ABCF1: variants seen among roughly 807,000 people sequenced by gnomAD.
The protein encoded by ABCF1 is ATP binding cassette subfamily F member 1, also known as ATP-binding cassette sub-family F member 1.
A neutral mutation model predicts 126.3 loss-of-function variants in ABCF1; 73 were observed. That is an observed-to-expected ratio of 0.58 (90% CI 0.48 to 0.70). The LOEUF (loss-of-function observed/expected upper bound fraction) is 0.70, where lower values mean the gene tolerates loss of function less well. Among genes scored for constraint, ABCF1 ranks in the 30% least tolerant of loss-of-function variants. ABCF1 has a pLI of 0.00. For synonymous variants in ABCF1, 345 were observed against 396.4 expected (o/e 0.87, Z 1.54); for missense variants, 786 against 1,057.5 (o/e 0.74, Z 3.56).
At position 30,585,299 on chromosome 6, in the gene ABCF1, G is replaced by A. The variant is rs769378951; in HGVS notation, c.1431G>A (p.Glu477=). 4.3e-6 allele frequency: 7 copies of A among 1,613,580 alleles called. No homozygotes were observed. The Admixed American group carries it at 1.0e-4, about 23-fold the overall frequency. Reference sequence around the variant, plus strand: ...AGCCCACACTGCTGATGCTGGATGAGCCCACCAACCACCTGGACCTCAACG... The same window carrying A: ...AGCCCACACTGCTGATGCTGGATGAACCCACCAACCACCTGGACCTCAACG... ...FMEPTLLMLD[E]PTNHLDLNAV... Residue 477 remains glutamate (E), a synonymous_variant, in exon 15 of 25, where the codon GAG becomes GAA. Coordinates refer to ENST00000326195, the MANE Select transcript of ABCF1 (RefSeq NM_001025091.2).
In ABCF1 at chr6:30,586,265, A is replaced by T; in HGVS notation, c.1845A>T (p.Pro615=). 1 of 1,612,540 alleles carries T rather than the reference A, an allele frequency of 6.2e-7. No homozygotes were observed. Among genetic ancestry groups the T allele is most frequent in the Non-Finnish European group, 8.5e-7 (1 of 1,179,190 alleles). Residue 615 remains proline (P), a synonymous_variant, in exon 18 of 25, where the codon CCA becomes CCT. Coordinates refer to ENST00000326195, the MANE Select transcript of ABCF1 (RefSeq NM_001025091.2). This position sits in a 1 kb window ranked among gnomAD's most constrained non-coding sequence, Gnocchi z 4.9. ...AGTACACTGTGCGCTTCACTTTTCCAGACCCCCCACCACTCAGCCCTCCAG... is the reference window on the plus strand; with the variant it reads ...AGTACACTGTGCGCTTCACTTTTCCTGACCCCCCACCACTCAGCCCTCCAG... ...PKEYTVRFTF[P]DPPPLSPPVL...
intron 9 of ABCF1, 73 bp downstream of exon 9, chr6:30,582,580 G>A (rs946759814): frequency 6.6e-7 from 1 of 1,507,936 alleles, no homozygotes; most frequent in African/African-American, 1.4e-5. Flanking sequence ...TGCGATTGGG[G>A]ACACGAAGGA....
intron 7 of ABCF1, 68 bp downstream of exon 7, chr6:30,580,073 G>A (rs1412153301): frequency 1.2e-5 from 18 of 1,524,510 alleles, no homozygotes; most frequent in Admixed American, 3.6e-5. Context: ...AGGGCTGGGC[G>A]CGGTGGCTCA....
In ABCF1 at chr6:30,590,373, A is replaced by G. The variant is rs1802381684; in HGVS notation, c.2366A>G (p.Lys789Arg). The change falls in exon 24 of 25, where the codon AAG becomes AGG. Residue 789 changes from lysine (K) to arginine (R), a missense_variant. By Grantham distance (26) the Lys-to-Arg change is conservative (BLOSUM62 2). Coordinates refer to ENST00000326195, the MANE Select transcript of ABCF1 (RefSeq NM_001025091.2). ...CTAGGGGAGGCCATCAATGAATACA[A>G]GGGTGGTAAGTCAGCTGAGAGTGTG... ...DALGEAINEY[K>R]GAVIVVSHDA... 4.4e-6 allele frequency: 7 copies of G among 1,608,506 alleles called. No homozygotes were observed. Among genetic ancestry groups the G allele is most frequent in the Non-Finnish European group, 5.1e-6 (6 of 1,177,424 alleles).
chr6:30,581,372 C>CT (rs1365267915), intron 8 of ABCF1, among the ~76,000 whole-genome samples: 1 of 145,376 alleles, frequency 6.9e-6, no homozygotes, highest in Non-Finnish European at 1.5e-5. Flanking sequence ...CTGGATTCCT[C>CT]TGACTGTGCA....
intron 8 of ABCF1, among the ~76,000 whole-genome samples, chr6:30,581,049 A>G (rs1411976358): frequency 2.6e-5 from 4 of 151,794 alleles, no homozygotes; most frequent in Non-Finnish European, 4.4e-5. Flanking sequence ...TCTATCACAT[A>G]TTCTTTTTTT....
Position 30,585,335 on chromosome 6 carries a change from G to A in ABCF1, c.1467G>A (p.Trp489Ter), listed in dbSNP as rs1237153731. 6.2e-7 allele frequency: 1 copy of A among 1,613,454 alleles called. No homozygotes were observed. The highest frequency in any genetic ancestry group is 1.1e-5 in the South Asian group (1 of 91,072). Residue 489 changes from tryptophan to a stop codon, truncating the protein, a stop_gained, in exon 15 of 25, where the codon TGG becomes TGA. Coordinates refer to ENST00000326195, the MANE Select transcript of ABCF1 (RefSeq NM_001025091.2). LOFTEE classifies it high-confidence loss of function. ...TNHLDLNAVI[W>*]LNNYLQGWRK... is the part of the protein sequence containing the mutation. ...ACCTGGACCTCAACGCTGTCATCTG[G>A]CTTAATAAGTGCGTTACGGCCTTTG... is the stretch of plus-strand genomic sequence containing the variant.
chr6:30,582,434 A>G lies in ABCF1; in HGVS notation c.719A>G (p.Glu240Gly). The change falls in exon 9 of 25, where the codon GAA becomes GGA. Residue 240 changes from glutamate (E) to glycine (G), a missense_variant. Glu to Gly is a moderately conservative substitution (Grantham distance 98). This residue lies in a region of ABCF1 where 322 missense variants were observed against 322.9 expected (regional missense o/e 1.00). Transcript: ENST00000326195. ...GGAGAAGGGGAAGAAGAGGAGGAGGAAGGAGGAGAGTCTAAGGCAGATGAT... is the reference window on the plus strand; with the variant it reads ...GGAGAAGGGGAAGAAGAGGAGGAGGGAGGAGGAGAGTCTAAGGCAGATGAT... ...EEGEGEEEEE[E>G]GGESKADDPY... 1 of 1,612,486 alleles carries G rather than the reference A, an allele frequency of 6.2e-7. No homozygotes were observed. Among genetic ancestry groups the G allele is most frequent in the South Asian group, 1.1e-5 (1 of 91,058 alleles).
At chr6:30,573,809 G>A (rs764793991) in intron 1 of ABCF1, among the ~76,000 whole-genome samples, 5 of 152,328 alleles carry the variant, frequency 3.3e-5, no homozygotes, top group Non-Finnish European at 7.4e-5. Flanking sequence ...GTGTTCATTC[G>A]GAGATGATAC....
chr6:30,575,138 T>G (rs1801433675), intron 1 of ABCF1, among the ~76,000 whole-genome samples: 1 of 151,008 alleles, frequency 6.6e-6, no homozygotes, highest in South Asian at 2.1e-4. Context: ...GGCGCGATCT[T>G]GGCTCACTGC....
Position 30,583,467 on chromosome 6 carries a change from G to T in ABCF1, c.916-141G>T. Reference sequence around the variant, plus strand: ...AGCGAACAGGGCGGGGACCGGCTGTGGGGAGAGGAAGGGGATTATGCTGGA... The same window carrying T: ...AGCGAACAGGGCGGGGACCGGCTGTTGGGAGAGGAAGGGGATTATGCTGGA... On this transcript the variant is annotated intron_variant, in intron 10 of 24. Coordinates refer to ENST00000326195, the MANE Select transcript of ABCF1 (RefSeq NM_001025091.2). This position sits in a 1 kb window ranked among gnomAD's most constrained non-coding sequence, Gnocchi z 4.1. 3 of 962,950 alleles carry T rather than the reference G, an allele frequency of 3.1e-6. No homozygotes were observed. The highest frequency in any genetic ancestry group is 1.6e-5 in the African/African-American group (1 of 61,820). The allele number at this position is 962,950 out of a possible 1,614,324, so 59.7% of individuals were successfully genotyped here.
In ABCF1 at chr6:30,586,556, G is replaced by C. The variant is rs775226964; in HGVS notation, c.1960+8G>C. 1.2e-5 allele frequency: 19 copies of C among 1,613,330 alleles called. No individual in the cohort carries two copies. In the Middle Eastern group the frequency reaches 9.9e-4, roughly 84 times the overall value. ...TCGACATGGATTCAAGGAGTGAGTT[G>C]GCGGGGTTGCCTCAGGGATGTGTAG... On this transcript the variant is annotated splice_region_variant and intron_variant, in intron 19 of 24. Transcript: ENST00000326195. This position sits in a 1 kb window ranked among gnomAD's most constrained non-coding sequence, Gnocchi z 4.9.
chr6:30,590,426 G>A, intron 24 of ABCF1, 48 bp downstream of exon 24: 1 of 1,580,794 alleles, frequency 6.3e-7, no homozygotes. Context: ...TGGGGACCAA[G>A]CTGTAGTGTC....
intron 20 of ABCF1, among the ~76,000 whole-genome samples, chr6:30,588,323 A>G (rs1802260989): frequency 6.6e-6 from 1 of 152,232 alleles, no homozygotes; most frequent in African/African-American, 2.4e-5. Context: ...TTTTCCAAAT[A>G]TATCAAGCAT....
intron 6 of ABCF1, among the ~76,000 whole-genome samples, chr6:30,579,144 A>G (rs1042369674): frequency 2.6e-5 from 4 of 152,068 alleles, no homozygotes; most frequent in Admixed American, 6.6e-5. Flanking sequence ...ATCTTAGTCC[A>G]TGTCCATTTG....
chr6:30,581,072 CTT>C (rs1281016774), intron 8 of ABCF1, among the ~76,000 whole-genome samples: 1 of 151,526 alleles, frequency 6.6e-6, no homozygotes, highest in Non-Finnish European at 1.5e-5. Context: ...TTTAACAACT[CTT>C]TGAAAATACA....
intron 1 of ABCF1, among the ~76,000 whole-genome samples, chr6:30,576,492 T>A (rs933493580): frequency 3.3e-5 from 5 of 151,950 alleles, no homozygotes; most frequent in Non-Finnish European, 2.9e-5. Flanking sequence ...TTTCACCATG[T>A]TCACCAGACT....
At chr6:30,580,286 G>T (rs1291535884) in intron 7 of ABCF1, 120 bp from the exon 8 acceptor site, 1 of 782,720 alleles carries the variant, frequency 1.3e-6, no homozygotes, top group Non-Finnish European at 2.0e-6. Context: ...GGTGGAGCTT[G>T]CAGTGAGCCG....
chr6:30,590,611 T>G lies in ABCF1; in HGVS notation c.2448T>G (p.Ser816Arg), dbSNP rs772793321. 3 of 1,612,802 alleles carry G rather than the reference T, an allele frequency of 1.9e-6. No homozygotes were observed. The highest frequency in any genetic ancestry group is 8.5e-7 in the Non-Finnish European group (1 of 1,179,960). The part of the protein sequence containing the change: ...NCQLWVVEEQ[S>R]VSQIDGDFED... ...AGCTGTGGGTGGTGGAGGAGCAGAG[T>G]GTTAGCCAAATCGATGGTGACTTTG... Residue 816 changes from serine to arginine, a missense_variant, in exon 25 of 25, where the codon AGT becomes AGG. By Grantham distance (110) the Ser-to-Arg change is moderately radical (BLOSUM62 -1). Around this residue, in one of 4 missense-constraint regions of ABCF1, gnomAD observed 288 missense variants for 423.5 expected, o/e 0.68. Transcript: ENST00000326195.
Sources: allele counts gnomAD v4.1 joint callset (sites outside exome capture counted in the v4.1 genomes callset), GRCh38; gene constraint gnomAD v4.1.1; regional missense constraint gnomAD v4.1.1; non-coding constraint Gnocchi (gnomAD v3.1); transcripts MANE v1.5; gene names NCBI Gene and HGNC (gene_info 2026-07-23, HGNC 2026-07-21).